The following MAP9 variants were observed in gnomAD, a reference collection of about 807,000 sequenced individuals.
The protein encoded by MAP9 is microtubule-associated protein 9.
In MAP9, 80 loss-of-function variants were observed where a neutral mutation model predicts 75.2. The ratio of observed to expected loss-of-function variants is 1.06; its 90% CI spans 0.89 to 1.28. The LOEUF (loss-of-function observed/expected upper bound fraction) is 1.28, where lower values mean the gene tolerates loss of function less well. Ranked by LOEUF, MAP9 falls within the 50% of genes most tolerant of loss-of-function variation. The pLI is 0.00. For synonymous variants in MAP9, 235 were observed against 237.3 expected (o/e 0.99, Z 0.09); for missense variants, 753 against 719.9 (o/e 1.05, Z -0.53).
Position 155,360,412 on chromosome 4 carries a change from G to A in MAP9, c.806C>T (p.Pro269Leu), listed in dbSNP as rs1732018366. ...GSEGNASGKD[P>L]NEEITENHNS... is the part of the protein sequence containing the mutation. ...ATGGTTTTCAGTGATTTCTTCATTT[G>A]GATCTATTTTGAGACAGAGTAATAG... Residue 269 changes from proline (P) to leucine (L), a missense_variant, in exon 7 of 14, where the codon CCA (proline) becomes CTA (leucine). Coordinates refer to ENST00000311277, the MANE Select transcript of MAP9 (RefSeq NM_001039580.2). The A allele has an allele frequency of 1.2e-6, 2 of 1,608,596 alleles. No homozygotes were observed. The highest frequency in any genetic ancestry group is 1.7e-4 in the Middle Eastern group (1 of 6,040).
chr4:155,353,502 G>A (rs1204265518), intron 10 of MAP9, among the ~76,000 whole-genome samples, 162 bp from the exon 11 acceptor site: 2 of 151,918 alleles, frequency 1.3e-5, no homozygotes, highest in African/African-American at 4.8e-5. Flanking sequence ...ATTTAGAATG[G>A]CTTAGATAAT....
In MAP9 at chr4:155,355,139, C is replaced by T; in HGVS notation, c.1312G>A (p.Val438Met). ...ATTCTGTGCATTTCATGTAAATACACATTTTTCTTTTCTAACCACTCCTAT... is the reference window on the plus strand; with the variant it reads ...ATTCTGTGCATTTCATGTAAATACATATTTTTCTTTTCTAACCACTCCTAT... Reference protein sequence around the residue: ...VYQEWLEKKNVYLHEMHRIKR... With the variant: ...VYQEWLEKKNMYLHEMHRIKR... Residue 438 changes from valine (V) to methionine (M), a missense_variant, in exon 10 of 14, where the codon GTG (valine) becomes ATG (methionine). Coordinates refer to ENST00000311277, the MANE Select transcript of MAP9 (RefSeq NM_001039580.2). The T allele has an allele frequency of 7.5e-7, 1 of 1,325,596 alleles. No individual in the cohort carries two copies. The allele number at this position is 1,325,596 out of a possible 1,614,324, so 82.1% of individuals were successfully genotyped here.
intron 10 of MAP9, 75 bp from the exon 11 acceptor site, chr4:155,353,415 A>T: frequency 2.5e-6 from 3 of 1,191,246 alleles, no homozygotes; most frequent in Non-Finnish European, 3.3e-6. Flanking sequence ...GCTAGATATA[A>T]ATATACACAT....
chr4:155,349,440 A>G (rs1325783055), intron 13 of MAP9: 1 of 152,148 alleles, frequency 6.6e-6, no homozygotes, highest in East Asian at 1.9e-4. Context: ...GAGGAAAGGC[A>G]TTATGGAAAA....
At position 155,342,942 on chromosome 4, in the gene MAP9, C is replaced by G. The variant is rs72960493; in HGVS notation, c.*4841G>C. 2 of 151,544 alleles carry G rather than the reference C, an allele frequency of 1.3e-5. No homozygotes were observed. The highest frequency in any genetic ancestry group is 1.3e-4 in the Admixed American group (2 of 15,190). The allele number at this position is 151,544 out of a possible 1,614,324, so 9.4% of individuals were successfully genotyped here. Reference sequence around the variant, plus strand: ...TCATTTCTAATAATGATATTGGCTACAAGAATAATGATCATATTATTTATC... The same window carrying G: ...TCATTTCTAATAATGATATTGGCTAGAAGAATAATGATCATATTATTTATC... On this transcript the variant is annotated 3_prime_UTR_variant, in exon 14 of 14. Coordinates refer to ENST00000311277, the MANE Select transcript of MAP9 (RefSeq NM_001039580.2).
intron 13 of MAP9, among the ~76,000 whole-genome samples, chr4:155,348,990 A>AACG (rs894352158): frequency 8.2e-5 from 2 of 24,442 alleles, no homozygotes; most frequent in African/African-American, 3.3e-4. Flanking sequence ...GACAGAAACA[A>AACG]AGAAAATAAA....
intron 13 of MAP9, among the ~76,000 whole-genome samples, chr4:155,348,210 GCCTATAGTCCCA>G (rs1229341498): frequency 6.6e-6 from 1 of 150,792 alleles, no homozygotes; most frequent in African/African-American, 2.4e-5. Context: ...GGCGGTGCAT[GCCTATAGTCCCA>G]CCTACTTAGG....
In MAP9 at chr4:155,368,655, G is replaced by A; in HGVS notation, c.639C>T (p.Ser213=). The change falls in exon 5 of 14, where the codon TCC becomes TCT. Residue 213 remains serine (S), a synonymous_variant. Coordinates refer to ENST00000311277, the MANE Select transcript of MAP9 (RefSeq NM_001039580.2). ...ATTGTATGCCATTCGGCGTTGGAAGGGAAGAAGGTGCAGAATGTAACTCCA... is the reference window on the plus strand; with the variant it reads ...ATTGTATGCCATTCGGCGTTGGAAGAGAAGAAGGTGCAGAATGTAACTCCA... ...EELELHSAPS[S]LPTPNGIQLE... 6.2e-7 allele frequency: 1 copy of A among 1,614,164 alleles called. No individual in the cohort carries two copies. The highest frequency in any genetic ancestry group is 2.2e-5 in the East Asian group (1 of 44,886).
chr4:155,349,458 G>A (rs1425014868), intron 13 of MAP9: 1 of 152,110 alleles, frequency 6.6e-6, no homozygotes, highest in Non-Finnish European at 1.5e-5. Context: ...AAATGATTAG[G>A]TATGTATGCA....
In MAP9 at chr4:155,360,407, C is replaced by A. The variant is rs1732018185; in HGVS notation, c.811G>T (p.Glu271Ter). 1 of 1,609,588 alleles carries A rather than the reference C, an allele frequency of 6.2e-7. No homozygotes were observed. The highest frequency in any genetic ancestry group is 8.5e-7 in the Non-Finnish European group (1 of 1,177,896). The stretch of plus-strand genomic sequence containing the variant: ...GAATTATGGTTTTCAGTGATTTCTT[C>A]ATTTGGATCTATTTTGAGACAGAGT... Reference protein sequence around the residue: ...EGNASGKDPNEEITENHNSLK... With the variant: ...EGNASGKDPN Residue 271 changes from glutamate (E) to a stop codon, truncating the protein, a stop_gained, in exon 7 of 14, where the codon GAA (glutamate) becomes TAA (stop). Coordinates refer to ENST00000311277, the MANE Select transcript of MAP9 (RefSeq NM_001039580.2). LOFTEE classifies it high-confidence loss of function.
rs1731272939 is a variant in MAP9 at position 155,346,013 on chromosome 4, C to G, written c.*1770G>C. ...ATATTGCTGATAATCAGATCAATTT[C>G]ATAAAGTATTACAGTTCTGGCCATA... On this transcript the variant is annotated 3_prime_UTR_variant, in exon 14 of 14. Coordinates refer to ENST00000311277, the MANE Select transcript of MAP9 (RefSeq NM_001039580.2). 6.6e-6 allele frequency: 1 copy of G among 152,176 alleles called. No individual in the cohort carries two copies. The allele number at this position is 152,176 out of a possible 1,614,324, so 9.4% of individuals were successfully genotyped here.
intron 5 of MAP9, chr4:155,367,267 T>C (rs558934575): frequency 6.6e-6 from 1 of 152,164 alleles, no homozygotes; most frequent in East Asian, 1.9e-4. Flanking sequence ...GACACAGACA[T>C]GCAGAGAAAA....
Position 155,352,786 on chromosome 4 carries a change from C to T in MAP9, c.1689-58G>A, listed in dbSNP as rs890241239. ...AAAGGAAAATACATAATAAAGATTC[C>T]CTAGTACATCTTTGACAGTAATGAA... is the stretch of plus-strand genomic sequence containing the variant. On this transcript the variant is annotated intron_variant, in intron 12 of 13. Transcript: ENST00000311277. The T allele has an allele frequency of 1.7e-5, 25 of 1,438,396 alleles. No individual in the cohort carries two copies. In the Admixed American group the frequency reaches 5.3e-4, roughly 30 times the overall value. The allele number at this position is 1,438,396 out of a possible 1,614,324, so 89.1% of individuals were successfully genotyped here. A position where few individuals can be genotyped will look rare whatever the true frequency, so the allele number is the denominator to read the frequency against.
rs1731586394 is a variant in MAP9, at chr4:155,352,981, G to T, written c.1619C>A (p.Ala540Glu). The change falls in exon 12 of 14, where the codon GCA becomes GAA. Residue 540 changes from alanine to glutamate, a missense_variant. Physicochemically the swap from Ala to Glu is moderately radical, Grantham distance 107. Coordinates refer to ENST00000311277, the MANE Select transcript of MAP9 (RefSeq NM_001039580.2). ...AGTTTCCTCCTCTTTCTGTTTCTTTGCTCTTTCATATTCTCTCTCCTTTCT... is the reference window on the plus strand; with the variant it reads ...AGTTTCCTCCTCTTTCTGTTTCTTTTCTCTTTCATATTCTCTCTCCTTTCT... ...KNRKEREYER[A>E]KKQKEEETVA... 1.3e-6 allele frequency: 2 copies of T among 1,537,946 alleles called. No individual in the cohort carries two copies. Among genetic ancestry groups the T allele is most frequent in the Non-Finnish European group, 1.8e-6 (2 of 1,135,922 alleles).
Position 155,376,299 on chromosome 4 carries a change from A to G in MAP9, c.-64-385T>C, listed in dbSNP as rs138685384. ...AAGGATCGTCGGCGTAAAAATTATG[A>G]GCACCACCACCAAAAAAAAAATGTA... is the stretch of plus-strand genomic sequence containing the variant. On this transcript the variant is annotated intron_variant, in intron 1 of 13. Coordinates refer to ENST00000311277, the MANE Select transcript of MAP9 (RefSeq NM_001039580.2). 9 of 153,512 alleles carry G rather than the reference A, an allele frequency of 5.9e-5. No individual in the cohort carries two copies. In the Admixed American group the frequency reaches 5.9e-4, roughly 10 times the overall value. The allele number at this position is 153,512 out of a possible 1,614,324, so 9.5% of individuals were successfully genotyped here.
At position 155,360,191 on chromosome 4, in the gene MAP9, T is replaced by C. The variant is rs370096655; in HGVS notation, c.1027A>G (p.Thr343Ala). The C allele has an allele frequency of 3.7e-5, 60 of 1,611,734 alleles. No homozygotes were observed. The highest frequency in any genetic ancestry group is 5.3e-5 in the African/African-American group (4 of 74,838). The change falls in exon 7 of 14, where the codon ACC becomes GCC. Residue 343 changes from threonine to alanine, a missense_variant. Coordinates refer to ENST00000311277, the MANE Select transcript of MAP9 (RefSeq NM_001039580.2). ...LSKSQSILIS[T>A]SATASSKKTI... is the part of the protein sequence containing the mutation. The stretch of plus-strand genomic sequence containing the variant: ...ACCTTTGAAGATGCTGTTGCACTGG[T>C]AGATATTAAGATACTCTGAGATTTA...
At chr4:155,367,030 A>G (rs1391671625) in intron 5 of MAP9, among the ~76,000 whole-genome samples, 2 of 152,178 alleles carry the variant, frequency 1.3e-5, no homozygotes, top group East Asian at 1.9e-4. Context: ...AACAAATCAC[A>G]TCCCACAATA....
chr4:155,347,944 T>C (rs757707871), intron 13 of MAP9, 39 bp from the exon 14 acceptor site: 19 of 1,219,504 alleles, frequency 1.6e-5, no homozygotes, highest in Non-Finnish European at 2.0e-5. Context: ...TATGTACATA[T>C]ATGATTATTA....
chr4:155,362,290 G>GA (rs1464314347), intron 5 of MAP9, 149 bp from the exon 6 acceptor site: 8 of 547,534 alleles, frequency 1.5e-5, no homozygotes, highest in Non-Finnish European at 2.5e-5. Context: ...CGCAAAGTGT[G>GA]ACAAGCCAAT....
Sources: allele counts gnomAD v4.1 joint callset (sites outside exome capture counted in the v4.1 genomes callset), GRCh38; gene constraint gnomAD v4.1.1; transcripts MANE v1.5; gene names NCBI Gene and HGNC (gene_info 2026-07-23, HGNC 2026-07-21).